ACACA: variants seen among roughly 807,000 people sequenced by gnomAD.
The protein encoded by ACACA is acetyl-CoA carboxylase alpha.
In ACACA, 103 loss-of-function variants were observed where a neutral mutation model predicts 296.1. The ratio of observed to expected loss-of-function variants is 0.35; its 90% CI spans 0.30 to 0.41. ACACA has a LOEUF of 0.41. ACACA is among the 10% of genes least tolerant of loss of function. The pLI is 1.00. For synonymous variants in ACACA, 953 were observed against 1,038.6 expected (o/e 0.92, Z 1.58); for missense variants, 1,554 against 2,989.7 (o/e 0.52, Z 11.20).
At chr17:37,268,741 C>CTATCTATCTATATATATATA (rs1219982787) in intron 10 of ACACA, among the ~76,000 whole-genome samples, 2 of 94,528 alleles carry the variant, frequency 2.1e-5, no homozygotes, top group African/African-American at 4.0e-5. Context: ...ATCTATCTAT[C>CTATCTATCTATATATATATA]TATATATATA....
intron 18 of ACACA, among the ~76,000 whole-genome samples, chr17:37,247,389 C>T (rs544109789): frequency 1.7e-4 from 13 of 76,874 alleles, no homozygotes; most frequent in Admixed American, 3.0e-4. Context: ...TTTTTTGATA[C>T]GGAGTTTTGC....
At chr17:37,329,973 T>A (rs2047798988) in intron 3 of ACACA, among the ~76,000 whole-genome samples, 200 bp downstream of exon 3, 1 of 151,684 alleles carries the variant, frequency 6.6e-6, no homozygotes, top group South Asian at 2.1e-4. Flanking sequence ...AAAAACCTAG[T>A]AGGACATGAA....
At chr17:37,320,675 G>A (rs907474972) in intron 3 of ACACA, among the ~76,000 whole-genome samples, 2 of 151,502 alleles carry the variant, frequency 1.3e-5, no homozygotes, top group African/African-American at 4.9e-5. Flanking sequence ...GGCCAGGCAC[G>A]GTGGCTCCTG....
In ACACA at chr17:37,376,050, A is replaced by G. The variant is rs758254610; in HGVS notation, c.38+30212T>C. ...GCAGAGCTATCAAGGGCTGTGACAG[A>G]TGAGCAGTGGTCTGTCTGCAATGAG... On this transcript the variant is annotated intron_variant, in intron 1 of 55. Transcript: ENST00000616317. The G allele has an allele frequency of 5.2e-6, 8 of 1,551,188 alleles. No individual in the cohort carries two copies. The Admixed American group carries it at 1.3e-4, about 26-fold the overall frequency.
At chr17:37,152,173 G>A (rs1278270173) in intron 43 of ACACA, among the ~76,000 whole-genome samples, 12 of 152,126 alleles carry the variant, frequency 7.9e-5, no homozygotes, top group African/African-American at 1.9e-4. Flanking sequence ...TACAAAATGG[G>A]AATAATAATA....
At chr17:37,166,296 C>G (rs1328955632) in intron 41 of ACACA, among the ~76,000 whole-genome samples, 1 of 151,808 alleles carries the variant, frequency 6.6e-6, no homozygotes, top group Non-Finnish European at 1.5e-5. Flanking sequence ...TACCACCATG[C>G]CCAGCTAATT....
intron 47 of ACACA, among the ~76,000 whole-genome samples, chr17:37,127,452 C>T (rs1253676046): frequency 6.6e-6 from 1 of 152,164 alleles, no homozygotes; most frequent in African/African-American, 2.4e-5. Flanking sequence ...GATGCAGAAC[C>T]TTAGAAGCCG....
At chr17:37,258,070 C>A (rs1190402691) in intron 13 of ACACA, 142 bp downstream of exon 13, 29 of 1,183,226 alleles carry the variant, frequency 2.5e-5, no homozygotes, top group Non-Finnish European at 3.4e-5. Context: ...AAGCAACAAC[C>A]ATTTACTTAT....
intron 3 of ACACA, among the ~76,000 whole-genome samples, chr17:37,319,843 T>C (rs2047265309): frequency 6.6e-6 from 1 of 152,038 alleles, no homozygotes; most frequent in African/African-American, 2.4e-5. Context: ...TCCCAGCTAC[T>C]CAGGAGGCTG....
In ACACA at chr17:37,330,208, G is replaced by T. The variant is rs2047812042; in HGVS notation, c.303C>A (p.Ile101=). ...VGSDTLSDLG[I]SSLQDGLALH... ...AGGCCAAGCCATCCTGTAGGCTAGA[G>T]ATCCCCAAATCAGAGAGTGTATCTG... is the stretch of plus-strand genomic sequence containing the variant. Residue 101 remains isoleucine, a synonymous_variant, in exon 3 of 56, where the codon ATC becomes ATA. Transcript: ENST00000616317. 6.2e-7 allele frequency: 1 copy of T among 1,614,042 alleles called. No individual in the cohort carries two copies. The highest frequency in any genetic ancestry group is 1.3e-5 in the African/African-American group (1 of 74,928).
chr17:37,348,428 C>T (rs2048731826), intron 1 of ACACA, among the ~76,000 whole-genome samples: 1 of 152,026 alleles, frequency 6.6e-6, no homozygotes, highest in Non-Finnish European at 1.5e-5. Context: ...TACAAGCTTC[C>T]TGAGAGAAAA....
intron 3 of ACACA, among the ~76,000 whole-genome samples, chr17:37,319,734 C>T (rs1006549234): frequency 2.6e-5 from 4 of 151,764 alleles, no homozygotes; most frequent in African/African-American, 7.3e-5. Context: ...GGGTGGATCA[C>T]GATGTCAGGA....
chr17:37,088,973 G>A lies in ACACA; in HGVS notation c.6993C>T (p.Cys2331=), dbSNP rs149649734. Residue 2331 remains cysteine, a synonymous_variant, in exon 55 of 56, where the codon TGC becomes TGT. Coordinates refer to ENST00000616317, the MANE Select transcript of ACACA (RefSeq NM_198834.3). The stretch of plus-strand genomic sequence containing the variant: ...GCTTGAGGACGTAGTCTCTGCTGAT[G>A]CATTTGATGTTTTCCTCTATTACCG... ...VHSVIEENIK[C]ISRDYVLKQI... The A allele has an allele frequency of 5.6e-6, 9 of 1,614,100 alleles. No individual in the cohort carries two copies. Among genetic ancestry groups the A allele is most frequent in the African/African-American group, 2.7e-5 (2 of 74,934 alleles).
intron 3 of ACACA, 91 bp downstream of exon 3, chr17:37,330,082 C>G: frequency 6.6e-7 from 1 of 1,521,334 alleles, no homozygotes. Context: ...GCAAAGCAGT[C>G]TTAGCTGAAA....
At chr17:37,290,869 T>C (rs779554288) in intron 3 of ACACA, among the ~76,000 whole-genome samples, 4 of 151,444 alleles carry the variant, frequency 2.6e-5, no homozygotes, top group Non-Finnish European at 5.9e-5. Context: ...GACCACGAGG[T>C]CAAGATATCA....
At chr17:37,271,075 TA>T (rs2082045709) in intron 9 of ACACA, among the ~76,000 whole-genome samples, 1 of 152,176 alleles carries the variant, frequency 6.6e-6, no homozygotes, top group African/African-American at 2.4e-5. Flanking sequence ...TTCATAGATT[TA>T]AAAAAATGAC....
At chr17:37,362,819 C>CA (rs1597711178) in intron 1 of ACACA, among the ~76,000 whole-genome samples, 2 of 152,026 alleles carry the variant, frequency 1.3e-5, no homozygotes, top group South Asian at 4.2e-4. Context: ...ACTAAAAACG[C>CA]AAAAAATTAG....
intron 46 of ACACA, 112 bp downstream of exon 46, chr17:37,129,963 T>C (rs2075010154): frequency 7.0e-7 from 1 of 1,424,320 alleles, no homozygotes. Flanking sequence ...AGAAATATTT[T>C]ATAAAAAAAT....
At position 37,242,197 on chromosome 17, in the gene ACACA, C is replaced by T. The variant is rs1051892776; in HGVS notation, c.2932-144G>A. On this transcript the variant is annotated intron_variant, in intron 22 of 55. Transcript: ENST00000616317. ...CATGTTGGCAGCAGCTGGAAGTTACCAGGCGTAGTCTATATAGAGAATCAC... is the reference window on the plus strand; with the variant it reads ...CATGTTGGCAGCAGCTGGAAGTTACTAGGCGTAGTCTATATAGAGAATCAC... The T allele has an allele frequency of 4.3e-6, 3 of 705,870 alleles. No homozygotes were observed. The African/African-American group carries it at 5.3e-5, about 12-fold the overall frequency. The allele number at this position is 705,870 out of a possible 1,614,324, so 43.7% of individuals were successfully genotyped here. A position where few individuals can be genotyped will look rare whatever the true frequency, so the allele number is the denominator to read the frequency against.
Sources: gnomAD v4.1 joint callset for allele counts (sites outside exome capture counted in the v4.1 genomes callset) on GRCh38, gnomAD v4.1.1 for gene constraint, MANE v1.5 for transcripts, NCBI Gene and HGNC (gene_info 2026-07-23, HGNC 2026-07-21) for gene names.